The following NNT variants were observed in gnomAD, a reference collection of about 807,000 sequenced individuals.
NNT encodes the protein NAD(P) transhydrogenase, mitochondrial.
NNT carries 50 observed loss-of-function variants against 104.8 expected under a neutral mutation model. The ratio of observed to expected loss-of-function variants is 0.48; its 90% confidence interval spans 0.38 to 0.60. NNT has a LOEUF of 0.60. Among genes scored for constraint, NNT ranks in the 20% least tolerant of loss-of-function variants. The pLI, the probability that NNT is intolerant of heterozygous loss-of-function variation, is 0.00. For missense variants in NNT, 1,131 were observed against 1,330.7 expected (o/e 0.85, Z 2.33); for synonymous variants, 461 against 490.4 (o/e 0.94, Z 0.79).
At chr5:43,609,634 T>C (rs996756370) in intron 2 of NNT, among the ~76,000 whole-genome samples, 1 of 152,262 alleles carries the variant, frequency 6.6e-6, no homozygotes, top group East Asian at 1.9e-4. Context: ...CCATTTCTCC[T>C]AGAAGCCCTT....
At chr5:43,652,866 G>GA (rs1739836842) in intron 13 of NNT, 152 bp from the exon 14 acceptor site, 10 of 551,834 alleles carry the variant, frequency 1.8e-5, no homozygotes, top group East Asian at 5.9e-5. Flanking sequence ...AGCAAATCCA[G>GA]AAAAAATCAA....
Position 43,656,942 on chromosome 5 carries a change from A to G in NNT, c.2454+129A>G, listed in dbSNP as rs1056516352. On this transcript the variant is annotated intron_variant, in intron 16 of 21. Coordinates refer to ENST00000344920, the MANE Select transcript of NNT (RefSeq NM_182977.3). ...AATAAAAATGTTTTAAAATTACGTC[A>G]CATGTGCATCTTTTTAGAATCTGGA... 18 of 819,252 alleles carry G rather than the reference A, an allele frequency of 2.2e-5. No individual in the cohort carries two copies. The African/African-American group carries it at 2.9e-4, about 13-fold the overall frequency. 50.7% of individuals were successfully genotyped at this position (819,252 alleles called of 1,614,324 possible). A position where few individuals can be genotyped will look rare whatever the true frequency, so the allele number is the denominator to read the frequency against.
In NNT at chr5:43,656,006, C is replaced by T. The variant is rs756009307; in HGVS notation, c.2226C>T (p.Ala742=). ...CAGCAAATCTCACCAAGATTGTGGCCTACCTCGGCACTTACATTGGTGGCG... is the reference window on the plus strand; with the variant it reads ...CAGCAAATCTCACCAAGATTGTGGCTTACCTCGGCACTTACATTGGTGGCG... ...DAAANLTKIV[A]YLGTYIGGVT... The change falls in exon 15 of 22, where the codon GCC becomes GCT. Residue 742 remains alanine, a synonymous_variant. Coordinates refer to ENST00000344920, the MANE Select transcript of NNT (RefSeq NM_182977.3). The T allele has an allele frequency of 1.2e-6, 2 of 1,614,212 alleles. No individual in the cohort carries two copies. The highest frequency in any genetic ancestry group is 1.7e-6 in the Non-Finnish European group (2 of 1,180,030).
chr5:43,687,393 A>C (rs888781545), intron 19 of NNT, among the ~76,000 whole-genome samples: 7 of 152,176 alleles, frequency 4.6e-5, no homozygotes, highest in African/African-American at 1.7e-4. Flanking sequence ...GATATTCTTC[A>C]TGTGATGATG....
Position 43,705,445 on chromosome 5 carries a change from A to G in NNT, c.*1041A>G, listed in dbSNP as rs1411975325. On this transcript the variant is annotated 3_prime_UTR_variant, in exon 22 of 22. Transcript: ENST00000344920. ...AGAGAAATGGTGGCTTTTTTTAGCTACCTCTTTGTTCATTTAAGCACCAGT... is the reference window on the plus strand; with the variant it reads ...AGAGAAATGGTGGCTTTTTTTAGCTGCCTCTTTGTTCATTTAAGCACCAGT... The G allele has an allele frequency of 1.3e-5, 2 of 151,956 alleles. No homozygotes were observed. The highest frequency in any genetic ancestry group is 4.8e-5 in the African/African-American group (2 of 41,398). The allele number at this position is 151,956 out of a possible 1,614,324, so 9.4% of individuals were successfully genotyped here.
At chr5:43,639,646 A>G (rs1751114802) in intron 7 of NNT, among the ~76,000 whole-genome samples, 1 of 152,142 alleles carries the variant, frequency 6.6e-6, no homozygotes, top group Non-Finnish European at 1.5e-5. Context: ...CTAAATAAGT[A>G]TTAATTATGT....
At chr5:43,671,766 A>T (rs1741107168) in intron 17 of NNT, among the ~76,000 whole-genome samples, 1 of 151,602 alleles carries the variant, frequency 6.6e-6, no homozygotes, top group South Asian at 2.1e-4. Flanking sequence ...TGTGTCTTGG[A>T]GTTGCTCTTC....
chr5:43,673,462 C>T (rs780887679), intron 17 of NNT, among the ~76,000 whole-genome samples: 1 of 152,154 alleles, frequency 6.6e-6, no homozygotes, highest in Non-Finnish European at 1.5e-5. Context: ...AAAAAGTTAT[C>T]TATGACAGAA....
chr5:43,605,543 A>AAG (rs1749173006), intron 1 of NNT, among the ~76,000 whole-genome samples: 1 of 151,268 alleles, frequency 6.6e-6, no homozygotes, highest in Non-Finnish European at 1.5e-5. Flanking sequence ...AAAAAAAAAA[A>AAG]AAAAAAAAGT....
intron 17 of NNT, among the ~76,000 whole-genome samples, chr5:43,661,745 AT>A (rs1303207170): frequency 6.6e-6 from 1 of 151,880 alleles, no homozygotes; most frequent in Non-Finnish European, 1.5e-5. Context: ...TGAACTCATC[AT>A]TTTTTATGGC....
At position 43,653,035 on chromosome 5, in the gene NNT, G is replaced by A. The variant is rs773788134; in HGVS notation, c.1881G>A (p.Ser627=). The A allele has an allele frequency of 2.5e-6, 4 of 1,612,450 alleles. No individual in the cohort carries two copies. Among genetic ancestry groups the A allele is most frequent in the East Asian group, 4.5e-5 (2 of 44,880 alleles). The change falls in exon 14 of 22, where the codon TCG becomes TCA. Residue 627 remains serine (S), a synonymous_variant. Coordinates refer to ENST00000344920, the MANE Select transcript of NNT (RefSeq NM_182977.3). The stretch of plus-strand genomic sequence containing the variant: ...TTGAAAAGATCATGTACCTAGGCTC[G>A]GGTTTGTGCTGTGTCGGTGCCTTGG... ...YNIEQIMYLG[S]GLCCVGALAG... is the part of the protein sequence containing the mutation.
At chr5:43,602,999 C>G (rs1429407409), upstream of NNT, 1 of 152,232 alleles carries the variant, frequency 6.6e-6, no homozygotes, top group Non-Finnish European at 1.5e-5. Flanking sequence ...GGAAGGGCCC[C>G]TGGGGGTAAC....
intron 17 of NNT, among the ~76,000 whole-genome samples, chr5:43,671,679 G>T (rs1233234524): frequency 1.3e-5 from 2 of 152,152 alleles, no homozygotes; most frequent in Non-Finnish European, 2.9e-5. Flanking sequence ...GCTTCCCTTT[G>T]TGGGTAACCC....
intron 17 of NNT, among the ~76,000 whole-genome samples, chr5:43,665,336 CAT>C (rs1036563894): frequency 1.1e-4 from 17 of 151,830 alleles, no homozygotes; most frequent in Admixed American, 6.6e-5. Context: ...AGCAGATAAA[CAT>C]GTGAACAAAG....
At chr5:43,685,649 T>C (rs1037900226) in intron 19 of NNT, among the ~76,000 whole-genome samples, 3 of 152,204 alleles carry the variant, frequency 2.0e-5, no homozygotes, top group Admixed American at 1.3e-4. Flanking sequence ...ACATTCTTAA[T>C]AGTTTATTGC....
Position 43,654,702 on chromosome 5 carries a change from T to C in NNT, c.2060-1138T>C, listed in dbSNP as rs376587669. ...TTTCAGTAAAGAGCACTATTTCTTATTATTTGAAAATTGTGTGCTAGCCAC... is the reference window on the plus strand; with the variant it reads ...TTTCAGTAAAGAGCACTATTTCTTACTATTTGAAAATTGTGTGCTAGCCAC... On this transcript the variant is annotated intron_variant, in intron 14 of 21. Transcript: ENST00000344920. Among the ~76,000 whole-genome samples the C allele has an allele frequency of 3.5e-4, 53 of 152,376 alleles. No homozygotes were observed. The South Asian group carries it at 4.6e-3, about 13-fold the overall frequency.
At chr5:43,684,963 C>A (rs529294843) in intron 19 of NNT, among the ~76,000 whole-genome samples, 117 of 152,284 alleles carry the variant, frequency 7.7e-4, no homozygotes, top group Non-Finnish European at 1.3e-3. Context: ...AACAAAATTC[C>A]AAAGGTCCTT....
At chr5:43,626,729 A>G (rs983767992) in intron 6 of NNT, among the ~76,000 whole-genome samples, 1 of 151,116 alleles carries the variant, frequency 6.6e-6, no homozygotes, top group African/African-American at 2.4e-5. Context: ...GTAATTTCTT[A>G]TAGAAATTAT....
At position 43,653,276 on chromosome 5, in the gene NNT, T is replaced by A. The variant is rs559252582; in HGVS notation, c.2059+63T>A. 58 of 1,397,342 alleles carry A rather than the reference T, an allele frequency of 4.2e-5. 1 individual carries two copies. The South Asian group carries it at 5.9e-4, about 14-fold the overall frequency. The allele number at this position is 1,397,342 out of a possible 1,614,324, so 86.6% of individuals were successfully genotyped here. On this transcript the variant is annotated intron_variant, in intron 14 of 21. Transcript: ENST00000344920. ...AGTTTCTCAATATATATTTCTAAGG[T>A]CCATATTGATGAAATAATTAAATTT...
Sources: allele counts gnomAD v4.1 joint callset (sites outside exome capture counted in the v4.1 genomes callset), GRCh38; gene constraint gnomAD v4.1.1; transcripts MANE v1.5; gene names NCBI Gene and HGNC (gene_info 2026-07-23, HGNC 2026-07-21).